AFF3: variants seen among roughly 807,000 people sequenced by gnomAD.
The protein encoded by AFF3 is ALF transcription elongation factor 3, also known as AF4/FMR2 family member 3.
Under a neutral mutation model 129.7 loss-of-function variants are expected in AFF3, and 32 were observed. That is an observed-to-expected ratio of 0.25 (90% confidence interval 0.19 to 0.33). The LOEUF is 0.33. Ranked by LOEUF, AFF3 falls within the 10% of genes least tolerant of loss-of-function variation. AFF3 has a pLI of 1.00. For synonymous variants in AFF3, 644 were observed against 635.4 expected (o/e 1.01, Z -0.20); for missense variants, 1,373 against 1,592.0 (o/e 0.86, Z 2.34).
chr2:99,787,039 TAATAGTATTAAATGGGCAAA>T (rs1684848265), intron 8 of AFF3, among the ~76,000 whole-genome samples: 1 of 152,128 alleles, frequency 6.6e-6, no homozygotes, highest in African/African-American at 2.4e-5. Context: ...ATGATGGATT[TAATAGTATTAAATGGGCAAA>T]AATGCCCTTG....
At chr2:99,603,938 C>T (rs1415571924) in intron 13 of AFF3, among the ~76,000 whole-genome samples, 1 of 152,146 alleles carries the variant, frequency 6.6e-6, no homozygotes, top group African/African-American at 2.4e-5. Context: ...CCATCTCACA[C>T]CAGTCAGACT....
At chr2:99,761,919 T>G (rs1451272716) in intron 8 of AFF3, among the ~76,000 whole-genome samples, 2 of 152,080 alleles carry the variant, frequency 1.3e-5, no homozygotes, top group East Asian at 3.9e-4. Flanking sequence ...CCTGCTGCTT[T>G]TCTATACACT....
intron 7 of AFF3, among the ~76,000 whole-genome samples, chr2:99,981,967 A>C (rs532166116): frequency 6.6e-6 from 1 of 152,328 alleles, no homozygotes; most frequent in African/African-American, 2.4e-5. Context: ...TGGGAAGACA[A>C]AAGAAGCCAG....
intron 13 of AFF3, among the ~76,000 whole-genome samples, chr2:99,635,915 G>GC (rs533442116): frequency 3.4e-3 from 512 of 152,248 alleles, no homozygotes; most frequent in African/African-American, 0.012. Context: ...GGTCACATAC[G>GC]CCCCCCACAT....
At chr2:100,019,977 G>C (rs761235436) in intron 4 of AFF3, among the ~76,000 whole-genome samples, 1 of 152,090 alleles carries the variant, frequency 6.6e-6, no homozygotes, top group Non-Finnish European at 1.5e-5. Context: ...CCTGGTCAAG[G>C]CCTCTCTGTA....
intron 12 of AFF3, among the ~76,000 whole-genome samples, chr2:99,660,700 C>T (rs1558713239): frequency 6.6e-6 from 1 of 152,222 alleles, no homozygotes. Context: ...GATCTCTCTA[C>T]TGGAATCCTT....
chr2:100,055,057 C>T (rs1282607258), intron 4 of AFF3, among the ~76,000 whole-genome samples: 1 of 152,144 alleles, frequency 6.6e-6, no homozygotes, highest in African/African-American at 2.4e-5. Flanking sequence ...GGTTTTATCT[C>T]GTTTTGGGTT....
At chr2:99,680,710 C>CAT (rs1674442599) in intron 11 of AFF3, among the ~76,000 whole-genome samples, 1 of 152,190 alleles carries the variant, frequency 6.6e-6, no homozygotes, top group South Asian at 2.1e-4. Flanking sequence ...AGGGTCATAA[C>CAT]ATACATCAGG....
chr2:99,559,923 T>C (rs1040076496), intron 21 of AFF3, among the ~76,000 whole-genome samples: 4 of 152,260 alleles, frequency 2.6e-5, no homozygotes, highest in Non-Finnish European at 4.4e-5. Context: ...AAAGGAACTA[T>C]AGGTTACCCG....
chr2:99,618,081 C>T (rs1377241607), intron 13 of AFF3, among the ~76,000 whole-genome samples: 2 of 152,142 alleles, frequency 1.3e-5, no homozygotes, highest in Non-Finnish European at 2.9e-5. Context: ...GTTTTACTGC[C>T]TCTGCTCGCT....
intron 4 of AFF3, among the ~76,000 whole-genome samples, chr2:100,058,434 A>G (rs1686979799): frequency 1.3e-5 from 2 of 151,714 alleles, no homozygotes; most frequent in South Asian, 4.2e-4. Context: ...TACATTTTAG[A>G]AAAAAAAATA....
At chr2:99,638,762 A>C (rs2105471341) in intron 13 of AFF3, among the ~76,000 whole-genome samples, 1 of 152,260 alleles carries the variant, frequency 6.6e-6, no homozygotes, top group African/African-American at 2.4e-5. Context: ...CTTACCCCCC[A>C]CCGCCTGTTT....
At chr2:99,764,023 TA>T (rs1682818891) in intron 8 of AFF3, among the ~76,000 whole-genome samples, 2 of 152,166 alleles carry the variant, frequency 1.3e-5, no homozygotes, top group African/African-American at 4.8e-5. Context: ...TAACAATCAA[TA>T]GAATCAGTTT....
chr2:99,978,569 C>T (rs574376302), intron 7 of AFF3, among the ~76,000 whole-genome samples: 4 of 152,160 alleles, frequency 2.6e-5, no homozygotes, highest in Non-Finnish European at 5.9e-5. Context: ...CAAGGTGCCA[C>T]GTGTGTGCAT....
chr2:99,679,074 C>T (rs1025019952), intron 11 of AFF3, among the ~76,000 whole-genome samples: 12 of 152,320 alleles, frequency 7.9e-5, no homozygotes, highest in East Asian at 3.9e-4. Flanking sequence ...GGTGAACTCA[C>T]TTAGTCTGGA....
rs1573443006 is a variant in AFF3 at position 100,105,602 on chromosome 2, T to G, written c.-144-19A>C. On this transcript the variant is annotated intron_variant, in intron 2 of 24. Transcript: ENST00000672756. The stretch of plus-strand genomic sequence containing the variant: ...TGATCAGCTAGAAGGGTGATAAGAG[T>G]ATCATCGTGGCTCCTAAAGAGTAAT... 7.5e-7 allele frequency: 1 copy of G among 1,335,166 alleles called. No homozygotes were observed. The highest frequency in any genetic ancestry group is 9.9e-7 in the Non-Finnish European group (1 of 1,007,112). 82.7% of individuals were successfully genotyped at this position (1,335,166 alleles called of 1,614,324 possible).
chr2:99,953,565 G>A (rs112378238), intron 7 of AFF3, among the ~76,000 whole-genome samples: 3 of 152,136 alleles, frequency 2.0e-5, no homozygotes, highest in Admixed American at 6.5e-5. Context: ...ATTGTGGATC[G>A]GTAATAGCTA....
At chr2:99,940,377 T>C (rs1674915902) in intron 7 of AFF3, among the ~76,000 whole-genome samples, 1 of 152,214 alleles carries the variant, frequency 6.6e-6, no homozygotes, top group African/African-American at 2.4e-5. Context: ...CCTACTGGGC[T>C]GCATTCCCAG....
At chr2:99,634,442 C>G (rs1282529683) in intron 13 of AFF3, among the ~76,000 whole-genome samples, 1 of 152,174 alleles carries the variant, frequency 6.6e-6, no homozygotes, top group Non-Finnish European at 1.5e-5. Flanking sequence ...GTCTCCACAG[C>G]CCTGGAGTTT....
Sources: gnomAD v4.1 joint callset for allele counts (sites outside exome capture counted in the v4.1 genomes callset) on GRCh38, gnomAD v4.1.1 for gene constraint, MANE v1.5 for transcripts, NCBI Gene and HGNC (gene_info 2026-07-23, HGNC 2026-07-21) for gene names.